DLG2: variants seen among roughly 807,000 people sequenced by gnomAD.
The protein encoded by DLG2 is discs large MAGUK scaffold protein 2.
DLG2 carries 45 observed loss-of-function variants against 132.5 expected under a neutral mutation model. The observed-to-expected ratio is 0.34, with a 90% confidence interval of 0.27 to 0.44. The LOEUF is 0.44. DLG2 is among the 20% of genes least tolerant of loss of function. The pLI, the probability that DLG2 is intolerant of heterozygous loss-of-function variation, is 1.00. For synonymous variants in DLG2, 424 were observed against 419.6 expected (o/e 1.01, Z -0.13); for missense variants, 1,045 against 1,196.9 (o/e 0.87, Z 1.87).
At chr11:84,230,950 C>G (rs2097083976) in intron 8 of DLG2, among the ~76,000 whole-genome samples, 1 of 152,146 alleles carries the variant, frequency 6.6e-6, no homozygotes, top group African/African-American at 2.4e-5. Context: ...TAATACTGTT[C>G]AGAGAATGTA....
chr11:84,422,761 T>C (rs1176488952), intron 7 of DLG2, among the ~76,000 whole-genome samples: 1 of 152,202 alleles, frequency 6.6e-6, no homozygotes, highest in Non-Finnish European at 1.5e-5. Flanking sequence ...GTAAAACATT[T>C]ATGTTCCAGT....
intron 18 of DLG2, among the ~76,000 whole-genome samples, chr11:83,736,577 G>A (rs2091923959): frequency 6.6e-6 from 1 of 152,138 alleles, no homozygotes. Context: ...TCTGCTGACA[G>A]CGCTGGTTAA....
At chr11:83,557,319 A>C (rs150438526) in intron 19 of DLG2, among the ~76,000 whole-genome samples, 27 of 152,344 alleles carry the variant, frequency 1.8e-4, no homozygotes, top group African/African-American at 6.3e-4. Flanking sequence ...CTGAATGATG[A>C]GGTGATGAGA....
intron 21 of DLG2, among the ~76,000 whole-genome samples, chr11:83,497,541 AAAAAAC>A (rs375203760): frequency 6.8e-5 from 10 of 146,024 alleles, no homozygotes; most frequent in South Asian, 2.2e-4. Flanking sequence ...TCTCAAAAAC[AAAAAAC>A]AAAAAACAAA....
At chr11:85,581,626 A>G (rs770229356) in intron 3 of DLG2, among the ~76,000 whole-genome samples, 11 of 152,002 alleles carry the variant, frequency 7.2e-5, no homozygotes, top group Non-Finnish European at 1.2e-4. Context: ...TAAAACAAAC[A>G]AAAAAACAAA....
chr11:84,962,490 A>G (rs991183608), intron 6 of DLG2, among the ~76,000 whole-genome samples: 3 of 152,300 alleles, frequency 2.0e-5, no homozygotes, highest in Admixed American at 2.0e-4. Context: ...AAATTTATAT[A>G]TTTACTATGA....
chr11:84,264,668 T>G (rs140395207), intron 7 of DLG2, among the ~76,000 whole-genome samples: 1 of 152,288 alleles, frequency 6.6e-6, no homozygotes, highest in Non-Finnish European at 1.5e-5. Context: ...AATTGTAATC[T>G]CAGGTACTCT....
At chr11:84,912,428 T>G (rs2092159292) in intron 6 of DLG2, among the ~76,000 whole-genome samples, 1 of 152,250 alleles carries the variant, frequency 6.6e-6, no homozygotes, top group South Asian at 2.1e-4. Flanking sequence ...AGTGCTGGGA[T>G]TACCGGCGTG....
chr11:83,950,387 G>A (rs565852790), intron 14 of DLG2, among the ~76,000 whole-genome samples: 1 of 152,318 alleles, frequency 6.6e-6, no homozygotes, highest in South Asian at 2.1e-4. Context: ...TTCAGGTCAG[G>A]AGTTCGAGAC....
chr11:84,152,893 CTGT>C (rs1409165457), intron 9 of DLG2, among the ~76,000 whole-genome samples: 2 of 152,066 alleles, frequency 1.3e-5, no homozygotes, highest in Non-Finnish European at 2.9e-5. Flanking sequence ...TACTGTCATC[CTGT>C]TGTTAGCTGT....
chr11:84,455,197 C>A (rs576932116), intron 7 of DLG2, among the ~76,000 whole-genome samples: 2 of 151,470 alleles, frequency 1.3e-5, no homozygotes, highest in South Asian at 4.1e-4. Flanking sequence ...AGCAATTTTC[C>A]TAATGAAATT....
At chr11:85,598,843 A>G in intron 2 of DLG2, 55 bp from the exon 3 acceptor site, 1 of 460,026 alleles carries the variant, frequency 2.2e-6, no homozygotes, top group Non-Finnish European at 3.8e-6. Context: ...ATAGAAAACT[A>G]ACATTAAACT....
chr11:84,699,143 T>C lies in DLG2; in HGVS notation c.358-164412A>G, dbSNP rs143001521. Among the ~76,000 whole-genome samples the C allele has an allele frequency of 1.6e-3, 236 of 151,614 alleles. 1 individual carries two copies. Among genetic ancestry groups the C allele is most frequent in the Middle Eastern group, 6.8e-3 (2 of 294 alleles). ...CTCAGCTACACATCTATATTCTGGA[T>C]TTCTTCTTGGAAAAGTGCAAATGGA... On this transcript the variant is annotated intron_variant, in intron 6 of 27. Coordinates refer to ENST00000376104, the MANE Select transcript of DLG2 (RefSeq NM_001142699.3).
intron 7 of DLG2, among the ~76,000 whole-genome samples, chr11:84,516,989 A>T (rs1463297179): frequency 4.5e-5 from 6 of 134,652 alleles, no homozygotes; most frequent in Admixed American, 4.4e-4. Context: ...CTTAAAGTAT[A>T]AAAAAAAAAA....
In DLG2 at chr11:83,563,864, A is replaced by G. The variant is rs1465472695; in HGVS notation, c.1941-22006T>C. Among the ~76,000 whole-genome samples the G allele has an allele frequency of 3.3e-5, 5 of 152,212 alleles. No homozygotes were observed. In the East Asian group the frequency reaches 9.6e-4, roughly 29 times the overall value. ...TAGGGTTGCTGTTTAAATTATGTTC[A>G]TCTTATTTCAATGTCTCTTTCATAT... On this transcript the variant is annotated intron_variant, in intron 19 of 27. Coordinates refer to ENST00000376104, the MANE Select transcript of DLG2 (RefSeq NM_001142699.3).
At chr11:84,773,577 A>G (rs2069813830) in intron 6 of DLG2, among the ~76,000 whole-genome samples, 1 of 152,198 alleles carries the variant, frequency 6.6e-6, no homozygotes, top group Non-Finnish European at 1.5e-5. Context: ...AACCACCACG[A>G]TCAAGTAGGT....
intron 6 of DLG2, among the ~76,000 whole-genome samples, chr11:84,764,457 T>TGC (rs2068102456): frequency 6.6e-6 from 1 of 152,142 alleles, no homozygotes; most frequent in African/African-American, 2.4e-5. Flanking sequence ...TACATAGTGC[T>TGC]CATTTTCTGC....
intron 4 of DLG2, among the ~76,000 whole-genome samples, chr11:85,161,838 T>C (rs2078051940): frequency 6.6e-6 from 1 of 152,172 alleles, no homozygotes; most frequent in Non-Finnish European, 1.5e-5. Context: ...TCAAGAAGGC[T>C]TTGTATGCTC....
At chr11:84,855,650 G>T (rs2082688939) in intron 6 of DLG2, among the ~76,000 whole-genome samples, 1 of 152,010 alleles carries the variant, frequency 6.6e-6, no homozygotes, top group South Asian at 2.1e-4. Context: ...TACTGCAGAA[G>T]AATTATGCAT....
Sources: gnomAD v4.1 joint callset for allele counts (sites outside exome capture counted in the v4.1 genomes callset) on GRCh38, gnomAD v4.1.1 for gene constraint, MANE v1.5 for transcripts, NCBI Gene and HGNC (gene_info 2026-07-23, HGNC 2026-07-21) for gene names.